PLS3: variants seen among roughly 807,000 people sequenced by gnomAD.
PLS3 encodes plastin 3.
In PLS3, 11 loss-of-function variants were observed where a neutral mutation model predicts 46.5. The ratio of observed to expected loss-of-function variants is 0.24; its 90% CI spans 0.15 to 0.39. The LOEUF is 0.39. PLS3 is among the 10% of genes least tolerant of loss of function. PLS3 has a pLI of 1.00. For missense variants in PLS3, 308 were observed against 461.8 expected, an observed-to-expected ratio of 0.67 and a Z score of 3.05; for synonymous variants, 167 against 162.2, an observed-to-expected ratio of 1.03 and a Z score of -0.22.
At chrX:115,640,763 A>C (rs1360442584) in intron 9 of PLS3, among the ~76,000 whole-genome samples, 1 of 111,793 alleles carries the variant, frequency 8.9e-6, no homozygotes, top group Non-Finnish European at 1.9e-5. Flanking sequence ...GAAATAAGTA[A>C]CTAGAAGCTA....
At chrX:115,631,959 G>T (rs1843610225) in intron 5 of PLS3, among the ~76,000 whole-genome samples, 1 of 109,441 alleles carries the variant, frequency 9.1e-6, no homozygotes, top group Non-Finnish European at 1.9e-5. Flanking sequence ...GCTCACCACC[G>T]CACCCAGCTA....
At chrX:115,587,222 T>TA (rs1440929557) in intron 1 of PLS3, among the ~76,000 whole-genome samples, 1 of 112,536 alleles carries the variant, frequency 8.9e-6, no homozygotes, top group Non-Finnish European at 1.9e-5. Context: ...AAAAAAATCT[T>TA]ACAACATGCA....
rs2074842429 is a variant in PLS3 at position 115,636,828 on chromosome X, T to C, written c.749-8T>C. 2 of 1,174,787 alleles carry C rather than the reference T, an allele frequency of 1.7e-6. No homozygotes were observed. The highest frequency in any genetic ancestry group is 1.8e-5 in the African/African-American group (1 of 55,383). Reference sequence around the variant, plus strand: ...AATAACTGTGGGATTTTTTTTTTTTTCTTCTAGCCTTGGCTGCTTTACTCC... The same window carrying C: ...AATAACTGTGGGATTTTTTTTTTTTCCTTCTAGCCTTGGCTGCTTTACTCC... On this transcript the variant is annotated splice_polypyrimidine_tract_variant and splice_region_variant and intron_variant, in intron 7 of 15. Transcript: ENST00000355899.
intron 15 of PLS3, among the ~76,000 whole-genome samples, chrX:115,648,670 G>C (rs782662651): frequency 4.5e-5 from 5 of 111,581 alleles, no homozygotes; most frequent in African/African-American, 1.6e-4. Context: ...CAGCTAAGAA[G>C]CATTCCTGCA....
intron 1 of PLS3, among the ~76,000 whole-genome samples, chrX:115,573,023 G>A (rs2074225593): frequency 9.6e-6 from 1 of 104,644 alleles, no homozygotes; most frequent in African/African-American, 3.5e-5. Context: ...GACCTGGGAG[G>A]CAGAGGTTGC....
intron 1 of PLS3, among the ~76,000 whole-genome samples, chrX:115,590,587 A>C (rs1320871663): frequency 5.4e-5 from 6 of 112,046 alleles, no homozygotes; most frequent in Non-Finnish European, 1.1e-4. Flanking sequence ...TGGGAGGCCA[A>C]GGTGGGTGGA....
chrX:115,643,903 C>T (rs782049797), intron 10 of PLS3, among the ~76,000 whole-genome samples: 4 of 111,380 alleles, frequency 3.6e-5, no homozygotes, highest in South Asian at 3.8e-4. Context: ...ATCTGGGAGA[C>T]GGAGGTTACA....
At position 115,644,430 on chromosome X, in the gene PLS3, C is replaced by T. The variant is rs368011561; in HGVS notation, c.1184-591C>T. Among the ~76,000 whole-genome samples the T allele has an allele frequency of 2.1e-4, 23 of 109,623 alleles. No homozygotes were observed. In the East Asian group the frequency reaches 2.6e-3, roughly 12 times the overall value. ...TGGCTAACATGGTGAAACCCCGTTT[C>T]CACTAAAAATACAAAAAATTAGGCA... On this transcript the variant is annotated intron_variant, in intron 10 of 15. Coordinates refer to ENST00000355899, the MANE Select transcript of PLS3 (RefSeq NM_005032.7).
intron 1 of PLS3, among the ~76,000 whole-genome samples, chrX:115,589,750 A>G (rs972025384): frequency 2.4e-4 from 27 of 112,234 alleles, no homozygotes; most frequent in Non-Finnish European, 2.4e-4. Context: ...TTTGTGTTAC[A>G]ACTACATATT....
intron 1 of PLS3, 129 bp downstream of exon 1, chrX:115,561,389 T>C (rs1448609208): frequency 5.5e-5 from 6 of 109,554 alleles, no homozygotes; most frequent in East Asian, 2.9e-4. Context: ...GGGCGGGGGT[T>C]GGGGGAGAGG....
intron 2 of PLS3, among the ~76,000 whole-genome samples, chrX:115,618,144 G>A (rs782635330): frequency 2.3e-4 from 26 of 111,645 alleles, no homozygotes; most frequent in Admixed American, 6.7e-4. Context: ...AAACTTTCTG[G>A]GCCTTAGTCA....
intron 5 of PLS3, among the ~76,000 whole-genome samples, chrX:115,633,285 C>T (rs782498802): frequency 3.7e-5 from 4 of 109,112 alleles, no homozygotes; most frequent in South Asian, 8.1e-4. Context: ...ATTCTCCTGC[C>T]GCAGTCTCCC....
At chrX:115,635,658 A>C (rs1175720599) in intron 7 of PLS3, among the ~76,000 whole-genome samples, 1 of 105,849 alleles carries the variant, frequency 9.4e-6, no homozygotes, top group Non-Finnish European at 1.9e-5. Flanking sequence ...CTCAAAAAAA[A>C]AAAAAAAAAA....
chrX:115,575,048 T>C (rs2074239623), intron 1 of PLS3, among the ~76,000 whole-genome samples: 1 of 111,934 alleles, frequency 8.9e-6, no homozygotes, highest in South Asian at 3.7e-4. Context: ...AACTATTTCC[T>C]GTCTCCATTG....
intron 3 of PLS3, 63 bp downstream of exon 3, chrX:115,622,472 T>TA (rs2074666311): frequency 9.6e-6 from 7 of 728,505 alleles, no homozygotes; most frequent in Non-Finnish European, 1.5e-5. Context: ...AGTGGGATGT[T>TA]ATAGTATTAA....
intron 1 of PLS3, among the ~76,000 whole-genome samples, chrX:115,589,263 C>T (rs1264182086): frequency 9.0e-6 from 1 of 111,609 alleles, no homozygotes; most frequent in Non-Finnish European, 1.9e-5. Flanking sequence ...CCAGCCACCA[C>T]GCCTGGCCAG....
At chrX:115,608,520 A>G (rs988341727) in intron 1 of PLS3, among the ~76,000 whole-genome samples, 18 of 112,057 alleles carry the variant, frequency 1.6e-4, no homozygotes, top group African/African-American at 5.2e-4. Context: ...TAGGGTGGTA[A>G]TGATGTAAGT....
At position 115,608,671 on chromosome X, in the gene PLS3, G is replaced by T. The variant is rs782599599; in HGVS notation, c.-8-1572G>T. ...TATGTTTAGATATACGGATACCATT[G>T]CATTACAATTGCCTACAGTGTTTAC... On this transcript the variant is annotated intron_variant, in intron 1 of 15. Coordinates refer to ENST00000355899, the MANE Select transcript of PLS3 (RefSeq NM_005032.7). Among the ~76,000 whole-genome samples the T allele has an allele frequency of 3.6e-5, 4 of 111,839 alleles. No homozygotes were observed. In the South Asian group the frequency reaches 1.1e-3, roughly 32 times the overall value.
chrX:115,606,165 CTTTT>C (rs782575149), intron 1 of PLS3, among the ~76,000 whole-genome samples: 1 of 30,285 alleles, frequency 3.3e-5, no homozygotes, highest in Non-Finnish European at 5.1e-5. Flanking sequence ...CTTTTCTTTT[CTTTT>C]TTTTTTTTTT....
Sources: gnomAD v4.1 joint callset for allele counts (sites outside exome capture counted in the v4.1 genomes callset) on GRCh38, gnomAD v4.1.1 for gene constraint, MANE v1.5 for transcripts, NCBI Gene and HGNC (gene_info 2026-07-23, HGNC 2026-07-21) for gene names.